The following COQ2 variants were observed in gnomAD, a reference collection of about 807,000 sequenced individuals.
COQ2 encodes coenzyme Q2, polyprenyltransferase, also known as 4-hydroxybenzoate polyprenyltransferase, mitochondrial.
COQ2 carries 25 observed loss-of-function variants against 35.7 expected under a neutral mutation model. The ratio of observed to expected loss-of-function variants is 0.70; its 90% CI spans 0.51 to 0.98. COQ2 has a LOEUF of 0.98. Among genes scored for constraint, COQ2 ranks in the 50% least tolerant of loss-of-function variants. The pLI is 0.00. For missense variants in COQ2, 488 were observed against 473.5 expected, an observed-to-expected ratio of 1.03 and a Z score of -0.28; for synonymous variants, 206 against 186.2, an observed-to-expected ratio of 1.11 and a Z score of -0.86.
chr4:83,265,370 G>C (rs1453489487), intron 6 of COQ2, among the ~76,000 whole-genome samples: 1 of 152,100 alleles, frequency 6.6e-6, no homozygotes, highest in Non-Finnish European at 1.5e-5. Context: ...AAGAGTTTGC[G>C]ATCAGTCTGG....
At chr4:83,285,133 C>G (rs527245301), upstream of COQ2, among the ~76,000 whole-genome samples, 4 of 152,040 alleles carry the variant, frequency 2.6e-5, no homozygotes, top group South Asian at 8.3e-4. Flanking sequence ...AATAAGTGTT[C>G]CAAAGAGTCG....
At chr4:83,281,188 C>T (rs907903499) in intron 1 of COQ2, among the ~76,000 whole-genome samples, 6 of 152,192 alleles carry the variant, frequency 3.9e-5, no homozygotes, top group Non-Finnish European at 7.3e-5. Context: ...TAACTACTTT[C>T]TTTACCCTGG....
chr4:83,273,316 G>C (rs1384837137), intron 3 of COQ2, among the ~76,000 whole-genome samples, 180 bp downstream of exon 3: 1 of 152,172 alleles, frequency 6.6e-6, no homozygotes, highest in Non-Finnish European at 1.5e-5. Flanking sequence ...AACTCCTTTG[G>C]CTGAAAGCAT....
Position 83,279,855 on chromosome 4 carries a change from C to A in COQ2, c.254-741G>T, listed in dbSNP as rs78313628. 5.2e-3 allele frequency among the ~76,000 whole-genome samples: 648 copies of A among 123,584 alleles called. 3 individuals carry two copies. The highest frequency in any genetic ancestry group is 7.8e-3 in the Non-Finnish European group (482 of 61,604). 81.1% of individuals were successfully genotyped at this position (123,584 alleles called of 152,430 possible). A position where few individuals can be genotyped will look rare whatever the true frequency, so the allele number is the denominator to read the frequency against. On this transcript the variant is annotated intron_variant, in intron 1 of 6. Coordinates refer to ENST00000647002, the MANE Select transcript of COQ2 (RefSeq NM_001358921.2). ...TGTTAGTACAATACACTTAGACGGT[C>A]TAGTCTTTTTTTTTTTTTTTTTTGA...
chr4:83,275,024 A>G lies in COQ2; in HGVS notation c.421-1407T>C, dbSNP rs113971484. Among the ~76,000 whole-genome samples, 130 of 152,128 alleles carry G rather than the reference A, an allele frequency of 8.5e-4. 2 individuals are homozygous for G. Among genetic ancestry groups the G allele is most frequent in the African/African-American group, 2.9e-3 (122 of 41,506 alleles). Reference sequence around the variant, plus strand: ...CATTTGGTTCTCCTTTATATTTTCTATTTCTTGGCTGAGAGGTGGTATTTT... The same window carrying G: ...CATTTGGTTCTCCTTTATATTTTCTGTTTCTTGGCTGAGAGGTGGTATTTT... On this transcript the variant is annotated intron_variant, in intron 2 of 6. Coordinates refer to ENST00000647002, the MANE Select transcript of COQ2 (RefSeq NM_001358921.2).
intron 6 of COQ2, among the ~76,000 whole-genome samples, chr4:83,265,009 AT>A (rs1326913995): frequency 2.0e-5 from 3 of 152,170 alleles, no homozygotes; most frequent in African/African-American, 7.2e-5. Context: ...GCCCTCCCAC[AT>A]TTCTAAATCT....
At chr4:83,276,445 G>A (rs1735185933) in intron 2 of COQ2, among the ~76,000 whole-genome samples, 1 of 151,810 alleles carries the variant, frequency 6.6e-6, no homozygotes, top group South Asian at 2.1e-4. Context: ...TTCCTTTTGG[G>A]GACTTAGTCA....
At chr4:83,267,154 T>C (rs1295859243) in intron 6 of COQ2, 7 of 453,606 alleles carry the variant, frequency 1.5e-5, no homozygotes, top group Non-Finnish European at 1.8e-5. Context: ...GGCAGGAAGA[T>C]TGCTTGAAGC....
intron 1 of COQ2, chr4:83,284,154 T>C (rs1735394699): frequency 5.1e-6 from 5 of 985,336 alleles, no homozygotes; most frequent in South Asian, 9.4e-5. Flanking sequence ...ACCTTCCGCT[T>C]GAGTCACCAT....
At chr4:83,270,668 C>T (rs1735028116) in intron 4 of COQ2, among the ~76,000 whole-genome samples, 1 of 152,050 alleles carries the variant, frequency 6.6e-6, no homozygotes, top group Admixed American at 6.5e-5. Flanking sequence ...CCACTCATGT[C>T]CCCTCCTTAA....
At chr4:83,274,581 G>A (rs1477886385) in intron 2 of COQ2, among the ~76,000 whole-genome samples, 4 of 152,100 alleles carry the variant, frequency 2.6e-5, no homozygotes, top group Admixed American at 6.5e-5. Flanking sequence ...TGTGCTTTTC[G>A]TATTTCTCAC....
chr4:83,276,526 T>C (rs545807713), intron 2 of COQ2, among the ~76,000 whole-genome samples: 2 of 152,310 alleles, frequency 1.3e-5, no homozygotes, highest in Non-Finnish European at 2.9e-5. Context: ...CCAGTCAGAA[T>C]GGCTATTAGA....
At chr4:83,284,881 C>G (rs981288139), upstream of COQ2, 9 of 1,524,904 alleles carry the variant, frequency 5.9e-6, no homozygotes, top group African/African-American at 1.1e-4. Flanking sequence ...TGGGCAGAAC[C>G]TTTCCTCATC....
chr4:83,273,132 T>A (rs754563780), intron 3 of COQ2, among the ~76,000 whole-genome samples: 1 of 152,232 alleles, frequency 6.6e-6, no homozygotes, highest in Non-Finnish European at 1.5e-5. Flanking sequence ...TAATCACTTC[T>A]GCTTTAAGTC....
At chr4:83,276,273 C>A (rs1735180950) in intron 2 of COQ2, among the ~76,000 whole-genome samples, 1 of 151,506 alleles carries the variant, frequency 6.6e-6, no homozygotes, top group South Asian at 2.1e-4. Flanking sequence ...TGTTTGAGCT[C>A]CTTGTAGATT....
chr4:83,281,913 T>C (rs746153945), intron 1 of COQ2, among the ~76,000 whole-genome samples: 2 of 151,950 alleles, frequency 1.3e-5, no homozygotes, highest in Non-Finnish European at 2.9e-5. Context: ...AATCTCTCCA[T>C]ACACTTCAGT....
Position 83,284,657 on chromosome 4 carries a change from G to A in COQ2, c.108C>T (p.Gly36=), listed in dbSNP as rs1156647879. 1 of 1,450,764 alleles carries A rather than the reference G, an allele frequency of 6.9e-7. No homozygotes were observed. Among genetic ancestry groups the A allele is most frequent in the East Asian group, 2.9e-5 (1 of 33,956 alleles). The allele number at this position is 1,450,764 out of a possible 1,614,324, so 89.9% of individuals were successfully genotyped here. A position where few individuals can be genotyped will look rare whatever the true frequency, so the allele number is the denominator to read the frequency against. Residue 36 remains glycine, a synonymous_variant, in exon 1 of 7, where the codon GGC becomes GGT. Transcript: ENST00000647002. ...GCTGCAAGTCACCACCGTGGGGCGC[G>A]CCTGCCGCACGCGCCAGGGCGAAGG... ...GRSFALARAA[G]APHGGDLQPP... is the part of the protein sequence containing the mutation.
chr4:83,271,717 G>A (rs1735051028), intron 4 of COQ2, among the ~76,000 whole-genome samples: 2 of 152,232 alleles, frequency 1.3e-5, no homozygotes, highest in East Asian at 3.9e-4. Flanking sequence ...AGAGGCTGAG[G>A]TGGGAGGATC....
At chr4:83,266,285 C>T (rs1734916492) in intron 6 of COQ2, among the ~76,000 whole-genome samples, 1 of 152,140 alleles carries the variant, frequency 6.6e-6, no homozygotes, top group South Asian at 2.1e-4. Flanking sequence ...TGAGTCTTGC[C>T]TATACTGATA....
Sources: allele counts gnomAD v4.1 joint callset (sites outside exome capture counted in the v4.1 genomes callset), GRCh38; gene constraint gnomAD v4.1.1; transcripts MANE v1.5; gene names NCBI Gene and HGNC (gene_info 2026-07-23, HGNC 2026-07-21).